Variants in LRRC37A2 observed in about 807,000 individuals in gnomAD.
The protein encoded by LRRC37A2 is leucine-rich repeat-containing protein 37A2.
LRRC37A2 carries 9 observed loss-of-function variants against 68.8 expected under a neutral mutation model. The ratio of observed to expected loss-of-function variants is 0.13; its 90% CI spans 0.08 to 0.23. LRRC37A2 has a LOEUF of 0.23. LRRC37A2 is among the 10% of genes least tolerant of loss of function. The probability of loss-of-function intolerance (pLI) is 1.00; values close to 1 mark genes in which losing one functional copy is unlikely to be tolerated. For synonymous variants in LRRC37A2, 63 were observed against 367.6 expected (o/e 0.17, Z 9.48); for missense variants, 168 against 950.4 (o/e 0.18, Z 10.82).
At chr17:46,829,681 C>T in the LRRC37A2 span, among the ~76,000 whole-genome samples, 41 of 151,794 alleles carry the variant, frequency 2.7e-4, no homozygotes, top group Non-Finnish European at 4.9e-4. Flanking sequence ...CCTGGGGACA[C>T]TGGGACTCAC....
chr17:46,951,882 G>A, the LRRC37A2 span, among the ~76,000 whole-genome samples: 1 of 151,900 alleles, frequency 6.6e-6, no homozygotes, highest in South Asian at 2.1e-4. Flanking sequence ...TGTTTGCCTC[G>A]CTGCTTCTCC....
At chr17:46,836,722 G>A in the LRRC37A2 span, among the ~76,000 whole-genome samples, 1 of 152,308 alleles carries the variant, frequency 6.6e-6, no homozygotes, top group East Asian at 1.9e-4. Context: ...GGCTGGAGGT[G>A]AGCAGGGTTG....
the LRRC37A2 span, among the ~76,000 whole-genome samples, chr17:46,992,617 C>G: frequency 6.6e-6 from 1 of 151,886 alleles, no homozygotes; most frequent in Non-Finnish European, 1.5e-5. Context: ...CTTTGGGAGG[C>G]CGAGCTGGGA....
chr17:46,797,311 G>C, the LRRC37A2 span, among the ~76,000 whole-genome samples: 9 of 152,228 alleles, frequency 5.9e-5, no homozygotes, highest in Non-Finnish European at 1.0e-4. Flanking sequence ...AAACCTGGGA[G>C]AGAGTGGAAG....
At chr17:46,987,540 G>A in the LRRC37A2 span, among the ~76,000 whole-genome samples, 4 of 152,182 alleles carry the variant, frequency 2.6e-5, no homozygotes, top group Non-Finnish European at 5.9e-5. Flanking sequence ...ACCATATGGA[G>A]GACAGAGTGC....
chr17:47,031,100 T>C, the LRRC37A2 span, among the ~76,000 whole-genome samples: 1 of 150,514 alleles, frequency 6.6e-6, no homozygotes, highest in Admixed American at 6.6e-5. Context: ...AGTAAATCTC[T>C]TGAATGAAGC....
the LRRC37A2 span, chr17:46,909,615 G>A: frequency 6.6e-6 from 1 of 152,248 alleles, no homozygotes; most frequent in South Asian, 2.1e-4. Context: ...CTAACAGCTA[G>A]CGTATTGGAT....
chr17:46,612,024 TCAA>T, the LRRC37A2 span, among the ~76,000 whole-genome samples: 10 of 79,278 alleles, frequency 1.3e-4, no homozygotes, highest in Non-Finnish European at 1.9e-4. Context: ...CCCTTTCAAC[TCAA>T]CAAAGATAAG....
At chr17:46,727,733 A>G in the LRRC37A2 span, among the ~76,000 whole-genome samples, 2 of 152,248 alleles carry the variant, frequency 1.3e-5, no homozygotes, top group African/African-American at 2.4e-5. Flanking sequence ...CTCTGTGTAA[A>G]TTCCTTTATC....
intron 6 of LRRC37A2, among the ~76,000 whole-genome samples, chr17:46,532,307 T>C (rs1016457805): frequency 6.7e-6 from 1 of 150,246 alleles, no homozygotes; most frequent in Non-Finnish European, 1.5e-5. Flanking sequence ...GAATACTCCG[T>C]TGAATTTGGT....
chr17:46,773,891 C>T, the LRRC37A2 span: 3 of 1,612,042 alleles, frequency 1.9e-6, no homozygotes, highest in Non-Finnish European at 2.5e-6. Flanking sequence ...ATGTGTACTG[C>T]TGGCCCAGGG....
At chr17:46,848,778 G>A in the LRRC37A2 span, among the ~76,000 whole-genome samples, 1 of 152,202 alleles carries the variant, frequency 6.6e-6, no homozygotes, top group African/African-American at 2.4e-5. Context: ...CTCAATTCCT[G>A]CCTCCACTAC....
chr17:46,793,088 G>A, the LRRC37A2 span, among the ~76,000 whole-genome samples: 1 of 130,450 alleles, frequency 7.7e-6, no homozygotes, highest in South Asian at 2.7e-4. Context: ...GAGAAAGCAA[G>A]ACCTTGTTTC....
At chr17:46,739,370 C>CAAA in the LRRC37A2 span, among the ~76,000 whole-genome samples, 507 of 52,140 alleles carry the variant, frequency 9.7e-3, 45 homozygotes, top group East Asian at 0.017. Context: ...GACTCTGTCT[C>CAAA]AAAAAAAAAA....
At chr17:46,928,073 C>T in the LRRC37A2 span, among the ~76,000 whole-genome samples, 3 of 152,040 alleles carry the variant, frequency 2.0e-5, no homozygotes, top group Admixed American at 1.3e-4. Context: ...GCCCCCATAC[C>T]TCCACACCCC....
chr17:46,808,276 G>C, the LRRC37A2 span, among the ~76,000 whole-genome samples: 1 of 152,190 alleles, frequency 6.6e-6, no homozygotes, highest in African/African-American at 2.4e-5. Context: ...ACAGCCTGAT[G>C]GCTTGTGGAA....
At chr17:46,954,800 AGTTCACT>A in the LRRC37A2 span, among the ~76,000 whole-genome samples, 1 of 152,172 alleles carries the variant, frequency 6.6e-6, no homozygotes, top group Admixed American at 6.5e-5. Flanking sequence ...TGTGAATGGG[AGTTCACT>A]CATGATTTGG....
chr17:46,868,077 C>G, the LRRC37A2 span, among the ~76,000 whole-genome samples: 1 of 152,126 alleles, frequency 6.6e-6, no homozygotes, highest in Non-Finnish European at 1.5e-5. Context: ...CTGAGACAGA[C>G]AGGAATAGTG....
At chr17:47,000,021 A>AAT in the LRRC37A2 span, among the ~76,000 whole-genome samples, 10 of 18,828 alleles carry the variant, frequency 5.3e-4, 1 homozygote, top group East Asian at 0.05. Flanking sequence ...AATAAAATAA[A>AAT]ATAAAATAAA....
Sources: allele counts gnomAD v4.1 joint callset (sites outside exome capture counted in the v4.1 genomes callset), GRCh38; gene constraint gnomAD v4.1.1; transcripts MANE v1.5; gene names NCBI Gene and HGNC (gene_info 2026-07-23, HGNC 2026-07-21).